Variants in CLIP2 observed in about 807,000 individuals in gnomAD.
CLIP2 encodes CAP-Gly domain-containing linker protein 2.
A neutral mutation model predicts 111.7 loss-of-function variants in CLIP2; 41 were observed. That is an observed-to-expected ratio of 0.37 (90% CI 0.29 to 0.48). The LOEUF is 0.48. CLIP2 is among the 20% of genes least tolerant of loss of function. The pLI, the probability that CLIP2 is intolerant of heterozygous loss-of-function variation, is 0.99. For synonymous variants in CLIP2, 660 were observed against 644.2 expected (o/e 1.02, Z -0.37); for missense variants, 1,160 against 1,422.1 (o/e 0.82, Z 2.96).
chr7:74,396,989 C>G, intron 13 of CLIP2, 85 bp from the exon 14 acceptor site: 1 of 1,540,208 alleles, frequency 6.5e-7, no homozygotes. Flanking sequence ...TTGGTCAGCC[C>G]CTGGACACTT....
At chr7:74,355,591 CAG>C (rs1473979210) in intron 4 of CLIP2, among the ~76,000 whole-genome samples, 169 of 152,266 alleles carry the variant, frequency 1.1e-3, no homozygotes, top group African/African-American at 3.9e-3. Flanking sequence ...GCCTGGGTAA[CAG>C]AGCCAGACCC....
At chr7:74,347,375 T>C (rs1368156698) in intron 3 of CLIP2, among the ~76,000 whole-genome samples, 1 of 152,108 alleles carries the variant, frequency 6.6e-6, no homozygotes, top group Non-Finnish European at 1.5e-5. Flanking sequence ...TTCACGCCAT[T>C]CTCCTGCCTC....
In CLIP2 at chr7:74,404,135, G is replaced by A. The variant is rs1791700981; in HGVS notation, c.*287G>A. The stretch of plus-strand genomic sequence containing the variant: ...CAGCTTCTGGAGTTTGTCAGTGGAG[G>A]CAGAGGGGATCCGGCCAGGCCCCTC... On this transcript the variant is annotated 3_prime_UTR_variant, in exon 17 of 17. Coordinates refer to ENST00000223398, the MANE Select transcript of CLIP2 (RefSeq NM_003388.5). 1 of 457,526 alleles carries A rather than the reference G, an allele frequency of 2.2e-6. No individual in the cohort carries two copies. Among genetic ancestry groups the A allele is most frequent in the South Asian group, 2.3e-5 (1 of 44,380 alleles). 28.3% of individuals were successfully genotyped at this position (457,526 alleles called of 1,614,324 possible).
At chr7:74,333,506 A>C (rs945970849) in intron 2 of CLIP2, among the ~76,000 whole-genome samples, 3 of 115,344 alleles carry the variant, frequency 2.6e-5, no homozygotes, top group Admixed American at 8.7e-5. Context: ...TTTGGAGATG[A>C]GGTCTCGCTC....
At chr7:74,388,951 A>G (rs1791197945) in intron 12 of CLIP2, 152 bp from the exon 13 acceptor site, 2 of 871,318 alleles carry the variant, frequency 2.3e-6, no homozygotes, top group South Asian at 1.9e-5. Flanking sequence ...GCCAGACCCA[A>G]TCTCTAAAAA....
At chr7:74,328,750 CT>C (rs1172549044) in intron 2 of CLIP2, among the ~76,000 whole-genome samples, 3 of 152,054 alleles carry the variant, frequency 2.0e-5, no homozygotes, top group Admixed American at 2.0e-4. Context: ...GGTAAAATGC[CT>C]TTTTTTCTTT....
At chr7:74,390,242 A>G (rs1791261254) in intron 13 of CLIP2, among the ~76,000 whole-genome samples, 1 of 151,752 alleles carries the variant, frequency 6.6e-6, no homozygotes, top group Admixed American at 6.6e-5. Flanking sequence ...TGCCTCCCCA[A>G]AATGTTTGGT....
At chr7:74,367,796 G>C (rs1165923177) in intron 8 of CLIP2, among the ~76,000 whole-genome samples, 3 of 152,156 alleles carry the variant, frequency 2.0e-5, no homozygotes, top group Admixed American at 2.0e-4. Context: ...CACACAGTTG[G>C]CTGGGCATGG....
intron 12 of CLIP2, chr7:74,388,810 G>A (rs1233447390): frequency 4.2e-5 from 9 of 213,340 alleles, no homozygotes; most frequent in African/African-American, 1.8e-4. Flanking sequence ...AAAAAAAACC[G>A]CCAGGTATGA....
chr7:74,401,169 C>G (rs1262355592), intron 15 of CLIP2, among the ~76,000 whole-genome samples: 3 of 152,144 alleles, frequency 2.0e-5, no homozygotes, highest in African/African-American at 7.2e-5. Flanking sequence ...TCCCAGGAAC[C>G]TCCATCAGAA....
At position 74,404,076 on chromosome 7, in the gene CLIP2, G is replaced by GC; in HGVS notation, c.*230dup. 1 of 540,940 alleles carries GC rather than the reference G, an allele frequency of 1.8e-6. No individual in the cohort carries two copies. Among genetic ancestry groups the GC allele is most frequent in the Non-Finnish European group, 3.4e-6 (1 of 296,606 alleles). 33.5% of individuals were successfully genotyped at this position (540,940 alleles called of 1,614,324 possible). On this transcript the variant is annotated 3_prime_UTR_variant, in exon 17 of 17. Transcript: ENST00000223398. ...AGAGAGTGTGAACGGTACAGCCCCGGCCTGACCCGGGGACCTTCAGCCTGG... is the reference window on the plus strand; with the variant it reads ...AGAGAGTGTGAACGGTACAGCCCCGGCCCTGACCCGGGGACCTTCAGCCTGG...
At chr7:74,313,362 A>G (rs1446054617) in intron 1 of CLIP2, among the ~76,000 whole-genome samples, 1 of 151,930 alleles carries the variant, frequency 6.6e-6, no homozygotes, top group African/African-American at 2.4e-5. Context: ...GATCGAGACC[A>G]TCCTGGCTAA....
At chr7:74,382,437 T>C (rs1790973708) in intron 11 of CLIP2, among the ~76,000 whole-genome samples, 1 of 151,280 alleles carries the variant, frequency 6.6e-6, no homozygotes, top group African/African-American at 2.4e-5. Flanking sequence ...CCTGAGTAGC[T>C]GGGACTACAC....
chr7:74,356,389 G>T (rs1554308463), intron 4 of CLIP2, 21 bp from the exon 5 acceptor site: 1 of 1,607,822 alleles, frequency 6.2e-7, no homozygotes, highest in South Asian at 1.1e-5. Flanking sequence ...ACAGCAGCTT[G>T]GGTCTCTCCT....
At chr7:74,308,704 C>T (rs781975347) in intron 1 of CLIP2, among the ~76,000 whole-genome samples, 6 of 151,956 alleles carry the variant, frequency 3.9e-5, no homozygotes, top group African/African-American at 9.7e-5. Context: ...AGGGTTTCAC[C>T]ACGTTGGCCG....
At chr7:74,289,756 G>A (rs1193420499) in intron 1 of CLIP2, 22 bp downstream of exon 1, 3 of 152,358 alleles carry the variant, frequency 2.0e-5, no homozygotes, top group Non-Finnish European at 2.9e-5. Flanking sequence ...TGGAGGGGCC[G>A]AGGGAGGGGG....
chr7:74,388,377 G>A (rs528310336), intron 12 of CLIP2, among the ~76,000 whole-genome samples: 1 of 152,080 alleles, frequency 6.6e-6, no homozygotes, highest in South Asian at 2.1e-4. Context: ...GTGGGCACCT[G>A]TAATCTCAGC....
At chr7:74,335,051 A>G (rs1789409933) in intron 2 of CLIP2, among the ~76,000 whole-genome samples, 1 of 151,916 alleles carries the variant, frequency 6.6e-6, no homozygotes, top group South Asian at 2.1e-4. Flanking sequence ...TGGGTGTCCT[A>G]CTCGGCCTGA....
chr7:74,296,696 G>T (rs1788178209), intron 1 of CLIP2, among the ~76,000 whole-genome samples: 1 of 151,108 alleles, frequency 6.6e-6, no homozygotes. Context: ...GGCTGAGGCA[G>T]GAGAATTGCT....
Sources: allele counts gnomAD v4.1 joint callset (sites outside exome capture counted in the v4.1 genomes callset), GRCh38; gene constraint gnomAD v4.1.1; transcripts MANE v1.5; gene names NCBI Gene and HGNC (gene_info 2026-07-23, HGNC 2026-07-21).